Variants in FAM20B observed in about 807,000 individuals in gnomAD.
FAM20B encodes the protein glycosaminoglycan xylosylkinase.
FAM20B carries 23 observed loss-of-function variants against 43.8 expected under a neutral mutation model. The ratio of observed to expected loss-of-function variants is 0.53; its 90% CI spans 0.38 to 0.74. The LOEUF is 0.74. Among genes scored for constraint, FAM20B ranks in the 30% least tolerant of loss-of-function variants. The probability of loss-of-function intolerance (pLI) is 0.00; values close to 1 mark genes in which losing one functional copy is unlikely to be tolerated. For synonymous variants in FAM20B, 178 were observed against 192.4 expected (o/e 0.93, Z 0.62); for missense variants, 440 against 510.5 (o/e 0.86, Z 1.33).
At chr1:179,055,663 A>C (rs981352117) in intron 4 of FAM20B, among the ~76,000 whole-genome samples, 1 of 152,116 alleles carries the variant, frequency 6.6e-6, no homozygotes, top group Non-Finnish European at 1.5e-5. Flanking sequence ...GAGTCCAAGA[A>C]GAAGAAGCCA....
chr1:179,047,122 T>G (rs923983737), intron 2 of FAM20B, among the ~76,000 whole-genome samples: 2 of 152,210 alleles, frequency 1.3e-5, no homozygotes, highest in Admixed American at 1.3e-4. Flanking sequence ...CCAGGTGCTT[T>G]GCAGGATAGG....
intron 1 of FAM20B, among the ~76,000 whole-genome samples, chr1:179,036,268 G>C (rs138032241): frequency 2.0e-5 from 3 of 152,206 alleles, no homozygotes; most frequent in Admixed American, 6.5e-5. Flanking sequence ...GGGAGTTTAT[G>C]CCAGCTTTTC....
intron 4 of FAM20B, among the ~76,000 whole-genome samples, chr1:179,062,638 A>G (rs1165307605): frequency 6.6e-6 from 1 of 152,146 alleles, no homozygotes; most frequent in Non-Finnish European, 1.5e-5. Flanking sequence ...CAACAGAGCG[A>G]GACTCCATCT....
At chr1:179,068,810 A>G (rs1000700440) in intron 7 of FAM20B, among the ~76,000 whole-genome samples, 8 of 152,186 alleles carry the variant, frequency 5.3e-5, no homozygotes, top group Non-Finnish European at 7.3e-5. Flanking sequence ...AGGAAGGACA[A>G]ACTTGGAAGG....
chr1:179,060,205 C>T (rs1651405203), intron 4 of FAM20B, among the ~76,000 whole-genome samples: 1 of 152,094 alleles, frequency 6.6e-6, no homozygotes, highest in Admixed American at 6.6e-5. Context: ...TGTATCACAT[C>T]AAAAGAGCTT....
chr1:179,035,356 C>T (rs186769351), intron 1 of FAM20B: 16 of 695,308 alleles, frequency 2.3e-5, no homozygotes, highest in African/African-American at 1.4e-4. Flanking sequence ...AGGTCTAAAT[C>T]GGGGTAGGGG....
intron 4 of FAM20B, among the ~76,000 whole-genome samples, chr1:179,062,328 G>C (rs940275434): frequency 6.6e-6 from 1 of 152,112 alleles, no homozygotes; most frequent in African/African-American, 2.4e-5. Context: ...AGATACATCT[G>C]TATCTTTTTC....
intron 1 of FAM20B, among the ~76,000 whole-genome samples, chr1:179,038,517 T>G (rs1459661515): frequency 1.3e-5 from 2 of 152,196 alleles, no homozygotes; most frequent in Non-Finnish European, 2.9e-5. Flanking sequence ...TGTGCCAGAA[T>G]TGTATTGCAT....
At chr1:179,022,203 A>C (rs538501301), upstream of FAM20B, among the ~76,000 whole-genome samples, 166 of 152,326 alleles carry the variant, frequency 1.1e-3, no homozygotes, top group Non-Finnish European at 2.0e-3. Flanking sequence ...CAGACAGCCC[A>C]ATGCAGAGAA....
At chr1:179,046,254 G>A (rs549071971) in intron 2 of FAM20B, among the ~76,000 whole-genome samples, 3 of 152,202 alleles carry the variant, frequency 2.0e-5, no homozygotes, top group Non-Finnish European at 2.9e-5. Context: ...ATCAAAAATC[G>A]CATTTAGCTT....
At chr1:179,039,878 G>C (rs1056235183) in intron 1 of FAM20B, among the ~76,000 whole-genome samples, 1 of 152,050 alleles carries the variant, frequency 6.6e-6, no homozygotes, top group African/African-American at 2.4e-5. Flanking sequence ...AGGACCCTGC[G>C]GCCTTCCGCA....
chr1:179,033,299 G>A (rs976145347), intron 1 of FAM20B, among the ~76,000 whole-genome samples: 3 of 152,210 alleles, frequency 2.0e-5, no homozygotes, highest in African/African-American at 4.8e-5. Flanking sequence ...ATCCAGTTGA[G>A]AATCTATTTC....
the FAM20B span, among the ~76,000 whole-genome samples, chr1:179,020,362 G>T: frequency 6.6e-6 from 1 of 152,184 alleles, no homozygotes; most frequent in Non-Finnish European, 1.5e-5. Flanking sequence ...GATGTAGGGG[G>T]TCTGGTCCAC....
At chr1:179,041,145 G>A (rs1195825068) in intron 1 of FAM20B, among the ~76,000 whole-genome samples, 2 of 150,126 alleles carry the variant, frequency 1.3e-5, no homozygotes, top group Non-Finnish European at 3.0e-5. Flanking sequence ...GATGGCGGCC[G>A]GGCAGAGACG....
rs549278126 is a variant in FAM20B at position 179,035,589 on chromosome 1, C to T, written c.-133-8126C>T. 450 of 566,428 alleles carry T rather than the reference C, an allele frequency of 7.9e-4. 1 individual carries two copies. Among genetic ancestry groups the T allele is most frequent in the Non-Finnish European group, 1.1e-3 (336 of 306,178 alleles). The allele number at this position is 566,428 out of a possible 1,614,324, so 35.1% of individuals were successfully genotyped here. On this transcript the variant is annotated intron_variant, in intron 1 of 7. Coordinates refer to ENST00000263733, the MANE Select transcript of FAM20B (RefSeq NM_014864.4). ...CACGCATCAGGCACAGTTCATGCAG[C>T]GAATGGCTGCACGTAACTGTGGCCC...
In FAM20B at chr1:179,043,712, C is replaced by A; in HGVS notation, c.-133-3C>A. The A allele has an allele frequency of 1.1e-6, 1 of 882,352 alleles. No homozygotes were observed. Among genetic ancestry groups the A allele is most frequent in the Non-Finnish European group, 1.7e-6 (1 of 588,706 alleles). 54.7% of individuals were successfully genotyped at this position (882,352 alleles called of 1,614,324 possible). A position where few individuals can be genotyped will look rare whatever the true frequency, so the allele number is the denominator to read the frequency against. ...AAATTTTGCTTTGTACTTGGGCTTG[C>A]AGGAACTGTGGAAGGTGCATCAGTG... On this transcript the variant is annotated splice_region_variant and splice_polypyrimidine_tract_variant and intron_variant, in intron 1 of 7. Coordinates refer to ENST00000263733, the MANE Select transcript of FAM20B (RefSeq NM_014864.4).
At chr1:179,064,881 C>A in intron 6 of FAM20B, among the ~76,000 whole-genome samples, 1 of 152,132 alleles carries the variant, frequency 6.6e-6, no homozygotes, top group South Asian at 2.1e-4. Context: ...AAGGTTCCTG[C>A]AATTAAAAAA....
chr1:179,020,339 C>T, the FAM20B span, among the ~76,000 whole-genome samples: 1 of 152,194 alleles, frequency 6.6e-6, no homozygotes, highest in Admixed American at 6.5e-5. Context: ...GTCTAAGCCC[C>T]ACTGGAAGGA....
chr1:179,042,796 A>G (rs560901087), intron 1 of FAM20B, among the ~76,000 whole-genome samples: 3 of 152,218 alleles, frequency 2.0e-5, no homozygotes, highest in East Asian at 3.9e-4. Context: ...GGAGACCCAC[A>G]GTGGGTAGAT....
Sources: gnomAD v4.1 joint callset for allele counts (sites outside exome capture counted in the v4.1 genomes callset) on GRCh38, gnomAD v4.1.1 for gene constraint, MANE v1.5 for transcripts, NCBI Gene and HGNC (gene_info 2026-07-23, HGNC 2026-07-21) for gene names.